Variants in RPL21 observed in about 807,000 individuals in gnomAD.
RPL21 encodes the protein ribosomal protein L21.
A neutral mutation model predicts 21.2 loss-of-function variants in RPL21; 1 was observed. The ratio of observed to expected loss-of-function variants is 0.05; its 90% confidence interval spans 0.02 to 0.22. The LOEUF is 0.22. RPL21 is among the 10% of genes least tolerant of loss of function. RPL21 has a pLI of 1.00. For missense variants in RPL21, 113 were observed against 199.4 expected, an observed-to-expected ratio of 0.57 and a Z score of 2.61; for synonymous variants, 52 against 62.9, an observed-to-expected ratio of 0.83 and a Z score of 0.82.
intron 2 of RPL21, 54 bp downstream of exon 2, chr13:27,253,897 G>T: frequency 9.9e-7 from 1 of 1,009,046 alleles, no homozygotes. Context: ...GTGTTCTGTT[G>T]TGTTCAACAT....
In RPL21 at chr13:27,255,774, G is replaced by C. The variant is rs1227858693; in HGVS notation, c.243-410G>C. On this transcript the variant is annotated intron_variant, in intron 4 of 5. Coordinates refer to ENST00000311549, the MANE Select transcript of RPL21 (RefSeq NM_000982.4). ...TTCTTAGTAGAGACAGGGTTTCACT[G>C]TGTCAGCCAGGATGGTCTCAATCTC... 1.2e-5 allele frequency: 4 copies of C among 345,812 alleles called. No individual in the cohort carries two copies. The East Asian group carries it at 2.3e-4, about 20-fold the overall frequency. The allele number at this position is 345,812 out of a possible 1,614,324, so 21.4% of individuals were successfully genotyped here.
At chr13:27,256,406 AT>A (rs1174646142) in intron 5 of RPL21, 29 bp from the exon 6 acceptor site, 92 of 1,567,446 alleles carry the variant, frequency 5.9e-5, no homozygotes, top group Non-Finnish European at 7.8e-5. Context: ...TCACATAATT[AT>A]TTTATTCCCT....
rs377421503 is a variant in RPL21, at chr13:27,255,469, T to C, written c.242+115T>C. On this transcript the variant is annotated intron_variant, in intron 4 of 5. Coordinates refer to ENST00000311549, the MANE Select transcript of RPL21 (RefSeq NM_000982.4). ...TCATTCAAGTGGGGCAAAGGAAATATCCTTTTAAAACTCAGGCAAACTGGG... is the reference window on the plus strand; with the variant it reads ...TCATTCAAGTGGGGCAAAGGAAATACCCTTTTAAAACTCAGGCAAACTGGG... 1.2e-4 allele frequency: 91 copies of C among 770,404 alleles called. 1 individual carries two copies. The highest frequency in any genetic ancestry group is 1.8e-4 in the Non-Finnish European group (76 of 418,246). 47.7% of individuals were successfully genotyped at this position (770,404 alleles called of 1,614,324 possible). A position where few individuals can be genotyped will look rare whatever the true frequency, so the allele number is the denominator to read the frequency against.
intron 2 of RPL21, 104 bp from the exon 3 acceptor site, chr13:27,254,116 G>A (rs957489555): frequency 4.8e-5 from 39 of 807,706 alleles, no homozygotes; most frequent in Non-Finnish European, 7.1e-5. Flanking sequence ...TAATAAGCAT[G>A]TAACCATCAA....
rs763981107 is a variant in RPL21 at position 27,255,151 on chromosome 13, GA to G, written c.130-88del. ...TCTGAAAGCTCTTGAGTTGCCATTT[GA>G]AAGAAATCTTAGAATACTTTGCAGT... On this transcript the variant is annotated intron_variant, in intron 3 of 5. Coordinates refer to ENST00000311549, the MANE Select transcript of RPL21 (RefSeq NM_000982.4). 66 of 784,450 alleles carry G rather than the reference GA, an allele frequency of 8.4e-5. No individual in the cohort carries two copies. In the African/African-American group the frequency reaches 1.1e-3, roughly 13 times the overall value. The allele number at this position is 784,450 out of a possible 1,614,324, so 48.6% of individuals were successfully genotyped here.
chr13:27,256,382 T>G, intron 5 of RPL21, 48 bp downstream of exon 5: 3 of 1,590,016 alleles, frequency 1.9e-6, no homozygotes, highest in Non-Finnish European at 2.6e-6. Flanking sequence ...ACTTTAAGGT[T>G]GAGATTTAAC....
chr13:27,255,716 C>T (rs773487617), intron 4 of RPL21: 15 of 368,952 alleles, frequency 4.1e-5, no homozygotes, highest in African/African-American at 8.5e-5. Context: ...GGACTACAGG[C>T]GCCCACCACC....
At chr13:27,255,123 G>T in intron 3 of RPL21, 119 bp from the exon 4 acceptor site, 1 of 776,828 alleles carries the variant, frequency 1.3e-6, no homozygotes, top group South Asian at 1.3e-5. Flanking sequence ...ACATTTCACC[G>T]GCTCTGAAAG....
At position 27,253,888 on chromosome 13, in the gene RPL21, T is replaced by A. The variant is rs376996299; in HGVS notation, c.67+45T>A. The A allele has an allele frequency of 2.8e-6, 3 of 1,056,466 alleles. No individual in the cohort carries two copies. The African/African-American group carries it at 4.7e-5, about 16-fold the overall frequency. 65.4% of individuals were successfully genotyped at this position (1,056,466 alleles called of 1,614,324 possible). A position where few individuals can be genotyped will look rare whatever the true frequency, so the allele number is the denominator to read the frequency against. On this transcript the variant is annotated intron_variant, in intron 2 of 5. Transcript: ENST00000311549. ...TTGAGAGAAGCATGGCACACATTTGTGTTCTGTTGTGTTCAACATGTGTTG... is the reference window on the plus strand; with the variant it reads ...TTGAGAGAAGCATGGCACACATTTGAGTTCTGTTGTGTTCAACATGTGTTG...
At position 27,256,175 on chromosome 13, in the gene RPL21, T is replaced by C. The variant is rs1341854408; in HGVS notation, c.243-9T>C. On this transcript the variant is annotated splice_polypyrimidine_tract_variant and intron_variant, in intron 4 of 5. Coordinates refer to ENST00000311549, the MANE Select transcript of RPL21 (RefSeq NM_000982.4). ...TTAAAGCACTTAAAAGAATTTCTGCTCTGTCCAGGGGCAAGATTCTTGCCA... is the reference window on the plus strand; with the variant it reads ...TTAAAGCACTTAAAAGAATTTCTGCCCTGTCCAGGGGCAAGATTCTTGCCA... 1.3e-6 allele frequency: 2 copies of C among 1,585,978 alleles called. No individual in the cohort carries two copies. Among genetic ancestry groups the C allele is most frequent in the Non-Finnish European group, 1.7e-6 (2 of 1,163,050 alleles).
In RPL21 at chr13:27,256,531, GT is replaced by G; in HGVS notation, c.*8del. The G allele has an allele frequency of 1.7e-6, 2 of 1,159,930 alleles. No individual in the cohort carries two copies. The highest frequency in any genetic ancestry group is 1.3e-6 in the Non-Finnish European group (1 of 770,882). 71.9% of individuals were successfully genotyped at this position (1,159,930 alleles called of 1,614,324 possible). ...CCTATGAATTCATGGCATAATAGGT[GT>G]TAAAAAAAAAAATAAAGGACCTCTG... is the stretch of plus-strand genomic sequence containing the variant. On this transcript the variant is annotated 3_prime_UTR_variant, in exon 6 of 6. Transcript: ENST00000311549.
At chr13:27,254,381 G>C in intron 3 of RPL21, 100 bp downstream of exon 3, 8 of 498,630 alleles carry the variant, frequency 1.6e-5, no homozygotes, top group Non-Finnish European at 3.0e-5. Flanking sequence ...ATCTGTAAGA[G>C]TATAGAATGG....
intron 3 of RPL21, chr13:27,254,891 A>G (rs1208763607): frequency 2.5e-6 from 1 of 397,864 alleles, no homozygotes; most frequent in Non-Finnish European, 4.8e-6. Context: ...TGGAGTTAAC[A>G]GCTAGTGGAA....
intron 1 of RPL21, chr13:27,251,881 C>T (rs1026955939): frequency 4.1e-4 from 62 of 152,368 alleles, no homozygotes; most frequent in African/African-American, 1.4e-3. Context: ...CTTTAAAAGA[C>T]TTCGTTTTAT....
intron 4 of RPL21, chr13:27,255,684 GC>G (rs1881869788): frequency 2.5e-6 from 1 of 392,700 alleles, no homozygotes; most frequent in Non-Finnish European, 4.9e-6. Flanking sequence ...CCATTCTCCT[GC>G]CTCAGCCTCT....
intron 2 of RPL21, 132 bp from the exon 3 acceptor site, chr13:27,254,088 A>G: frequency 1.4e-6 from 1 of 731,090 alleles, no homozygotes; most frequent in Non-Finnish European, 2.5e-6. Context: ...TGTCAGGAGA[A>G]ATTGTCCATT....
chr13:27,252,796 A>C (rs1417476816), intron 1 of RPL21, among the ~76,000 whole-genome samples: 1 of 152,226 alleles, frequency 6.6e-6, no homozygotes, highest in Non-Finnish European at 1.5e-5. Flanking sequence ...TAAAAATGGT[A>C]CTTTGGGAGC....
intron 2 of RPL21, 127 bp downstream of exon 2, chr13:27,253,970 T>A: frequency 1.4e-6 from 1 of 734,354 alleles, no homozygotes; most frequent in Non-Finnish European, 2.5e-6. Flanking sequence ...CCAGCTTATT[T>A]CGTGATAAGG....
intron 1 of RPL21, among the ~76,000 whole-genome samples, chr13:27,253,265 T>TC (rs1364429123): frequency 6.6e-6 from 1 of 152,214 alleles, no homozygotes; most frequent in Non-Finnish European, 1.5e-5. Context: ...TAGTAAATAA[T>TC]CAGAAATGTG....
Sources: gnomAD v4.1 joint callset for allele counts (sites outside exome capture counted in the v4.1 genomes callset) on GRCh38, gnomAD v4.1.1 for gene constraint, MANE v1.5 for transcripts, NCBI Gene and HGNC (gene_info 2026-07-23, HGNC 2026-07-21) for gene names.